DENND4A: variants seen among roughly 807,000 people sequenced by gnomAD.
DENND4A encodes the protein DENN domain containing 4A.
In DENND4A, 70 loss-of-function variants were observed where a neutral mutation model predicts 199.3. The observed-to-expected ratio is 0.35, with a 90% CI of 0.29 to 0.43. The LOEUF is 0.43. Ranked by LOEUF, DENND4A falls within the 20% of genes least tolerant of loss-of-function variation. The probability of loss-of-function intolerance (pLI) is 1.00; values close to 1 mark genes in which losing one functional copy is unlikely to be tolerated. For synonymous variants in DENND4A, 686 were observed against 766.9 expected (o/e 0.89, Z 1.74); for missense variants, 1,723 against 2,255.8 (o/e 0.76, Z 4.78).
At chr15:65,761,275 C>T (rs1281918861) in intron 2 of DENND4A, 85 bp downstream of exon 2, 1 of 152,136 alleles carries the variant, frequency 6.6e-6, no homozygotes, top group African/African-American at 2.4e-5. Flanking sequence ...ATTATTAAGA[C>T]TTCTGGAAAA....
chr15:65,713,612 T>C (rs2075308397), intron 14 of DENND4A, among the ~76,000 whole-genome samples: 1 of 152,242 alleles, frequency 6.6e-6, no homozygotes, highest in Non-Finnish European at 1.5e-5. Flanking sequence ...TCATGGTTTC[T>C]TATTTTACTC....
intron 15 of DENND4A, among the ~76,000 whole-genome samples, chr15:65,704,811 C>T (rs1305639880): frequency 1.3e-5 from 2 of 152,074 alleles, no homozygotes; most frequent in African/African-American, 2.4e-5. Flanking sequence ...AGGTTGGTCT[C>T]GAACTCCTGA....
chr15:65,706,320 G>C, intron 14 of DENND4A, 96 bp from the exon 15 acceptor site: 1 of 1,152,574 alleles, frequency 8.7e-7, no homozygotes, highest in South Asian at 2.6e-5. Flanking sequence ...CTGCACAATG[G>C]ATACTAAACA....
intron 23 of DENND4A, among the ~76,000 whole-genome samples, chr15:65,682,044 C>A (rs2076596074): frequency 1.3e-5 from 2 of 152,184 alleles, no homozygotes; most frequent in Admixed American, 1.3e-4. Context: ...TTACAGAGCA[C>A]AGGCAGAGAG....
intron 4 of DENND4A, among the ~76,000 whole-genome samples, chr15:65,742,154 C>T (rs1011059921): frequency 1.3e-4 from 20 of 152,248 alleles, no homozygotes; most frequent in African/African-American, 4.6e-4. Context: ...TCAGATATTG[C>T]CAGGTTTTTC....
At chr15:65,692,771 A>C (rs1358893064) in intron 22 of DENND4A, among the ~76,000 whole-genome samples, 1 of 152,184 alleles carries the variant, frequency 6.6e-6, no homozygotes, top group East Asian at 1.9e-4. Flanking sequence ...ATATTACTAA[A>C]GACCTGGAGG....
chr15:65,729,069 T>C lies in DENND4A; in HGVS notation c.1487+3A>G. 6.3e-7 allele frequency: 1 copy of C among 1,575,556 alleles called. No individual in the cohort carries two copies. The highest frequency in any genetic ancestry group is 1.2e-5 in the South Asian group (1 of 85,862). On this transcript the variant is annotated splice_donor_region_variant and intron_variant, in intron 11 of 32. Transcript: ENST00000443035. ...ACATGTAGAATCACTAAAATGTACT[T>C]ACTGAGAAATAGTGTTGGTATCTAC...
intron 1 of DENND4A, among the ~76,000 whole-genome samples, chr15:65,782,313 T>C (rs542845906): frequency 2.8e-4 from 42 of 152,328 alleles, no homozygotes; most frequent in African/African-American, 9.4e-4. Flanking sequence ...GCTCTTCACA[T>C]TTCTGGCTCC....
chr15:65,725,493 G>C (rs974299501), intron 11 of DENND4A, among the ~76,000 whole-genome samples: 1 of 151,958 alleles, frequency 6.6e-6, no homozygotes, highest in African/African-American at 2.4e-5. Flanking sequence ...TGGCTAATGC[G>C]GTGAAACCCC....
chr15:65,674,403 T>C (rs1331853498), intron 24 of DENND4A, among the ~76,000 whole-genome samples: 1 of 152,206 alleles, frequency 6.6e-6, no homozygotes, highest in Non-Finnish European at 1.5e-5. Flanking sequence ...CTAGATGCTA[T>C]GAATGTTGTT....
At chr15:65,718,720 C>T (rs2075494369) in intron 12 of DENND4A, among the ~76,000 whole-genome samples, 1 of 146,134 alleles carries the variant, frequency 6.8e-6, no homozygotes, top group Non-Finnish European at 1.5e-5. Context: ...ATTTCAAAAA[C>T]TGCCCCCCTT....
chr15:65,767,914 G>C (rs1411589950), intron 1 of DENND4A, among the ~76,000 whole-genome samples: 1 of 152,192 alleles, frequency 6.6e-6, no homozygotes, highest in Non-Finnish European at 1.5e-5. Context: ...ATAAAATAAA[G>C]CAGGGCTTCA....
chr15:65,757,081 G>A (rs1183446217), intron 2 of DENND4A, among the ~76,000 whole-genome samples: 2 of 152,100 alleles, frequency 1.3e-5, no homozygotes, highest in Non-Finnish European at 2.9e-5. Context: ...TTCAGTAAAC[G>A]CTTTTAAATA....
chr15:65,773,308 T>A (rs528747790), intron 1 of DENND4A, among the ~76,000 whole-genome samples: 1 of 152,338 alleles, frequency 6.6e-6, no homozygotes, highest in Admixed American at 6.5e-5. Flanking sequence ...AAATGGTACC[T>A]CTACCATGTG....
chr15:65,711,938 T>C (rs2075264182), intron 14 of DENND4A, among the ~76,000 whole-genome samples: 1 of 152,160 alleles, frequency 6.6e-6, no homozygotes, highest in Admixed American at 6.5e-5. Context: ...GCTCTAGGGA[T>C]TAAAGGTGCA....
At chr15:65,696,173 T>G (rs2077137779) in intron 22 of DENND4A, 193 bp downstream of exon 22, 1 of 541,560 alleles carries the variant, frequency 1.8e-6, no homozygotes, top group Admixed American at 3.9e-5. Context: ...CCCTATGCCT[T>G]GCTATAATAC....
At chr15:65,667,191 G>A (rs1596382936) in intron 29 of DENND4A, among the ~76,000 whole-genome samples, 1 of 152,202 alleles carries the variant, frequency 6.6e-6, no homozygotes. Context: ...TTAGCTGAGC[G>A]TGGTGGTGTG....
At chr15:65,662,229 T>C (rs908732258) in intron 32 of DENND4A, among the ~76,000 whole-genome samples, 2 of 152,194 alleles carry the variant, frequency 1.3e-5, no homozygotes, top group African/African-American at 4.8e-5. Flanking sequence ...CCACACACAC[T>C]TTTTTGGTAC....
intron 12 of DENND4A, among the ~76,000 whole-genome samples, chr15:65,720,976 T>TATATATATATATATAG: frequency 7.8e-6 from 1 of 127,572 alleles, no homozygotes; most frequent in Non-Finnish European, 1.7e-5. Flanking sequence ...TATATATATA[T>TATATATATATATATAG]ATATATTTGT....
Sources: allele counts gnomAD v4.1 joint callset (sites outside exome capture counted in the v4.1 genomes callset), GRCh38; gene constraint gnomAD v4.1.1; transcripts MANE v1.5; gene names NCBI Gene and HGNC (gene_info 2026-07-23, HGNC 2026-07-21).